The following TARS3 variants were observed in gnomAD, a reference collection of about 807,000 sequenced individuals.
TARS3 encodes the protein threonyl-tRNA synthetase 3, also known as threonine--tRNA ligase 2, cytoplasmic.
A neutral mutation model predicts 103.5 loss-of-function variants in TARS3; 94 were observed. That is an observed-to-expected ratio of 0.91 (90% CI 0.77 to 1.08). TARS3 has a LOEUF of 1.08. TARS3 is among the 50% of genes least tolerant of loss of function. The pLI is 0.00. For missense variants in TARS3, 952 were observed against 995.2 expected, an observed-to-expected ratio of 0.96 and a Z score of 0.58; for synonymous variants, 416 against 355.4, an observed-to-expected ratio of 1.17 and a Z score of -1.92.
intron 7 of TARS3, among the ~76,000 whole-genome samples, chr15:101,704,513 G>A (rs1899446299): frequency 6.6e-6 from 1 of 151,892 alleles, no homozygotes; most frequent in East Asian, 1.9e-4. Context: ...AAATTAGCTG[G>A]GCGTGGTGGT....
In TARS3 at chr15:101,724,181, G is replaced by A; in HGVS notation, c.207C>T (p.Cys69=). The change falls in exon 1 of 19, where the codon TGC becomes TGT. Residue 69 remains cysteine (C), a synonymous_variant. Coordinates refer to ENST00000335968, the MANE Select transcript of TARS3 (RefSeq NM_152334.3). ...AENCDLRHRL[C]SLRLCLAEER... ...CCTCGGCGAGGCACAGCCGCAGGCT[G>A]CACAGGCGGTGGCGCAGGTCGCAGT... 6.6e-7 allele frequency: 1 copy of A among 1,513,932 alleles called. No homozygotes were observed. Among genetic ancestry groups the A allele is most frequent in the Non-Finnish European group, 8.8e-7 (1 of 1,136,688 alleles). 93.8% of individuals were successfully genotyped at this position (1,513,932 alleles called of 1,614,324 possible).
Position 101,705,678 on chromosome 15 carries a change from C to T in TARS3, c.995+5G>A, listed in dbSNP as rs766734500. ...GAGCAGCGTTTACCATGTGTGGACA[C>T]AAACCTGTACACGGTGGTAGTTGCA... On this transcript the variant is annotated splice_donor_5th_base_variant and intron_variant, in intron 7 of 18. Transcript: ENST00000335968. The T allele has an allele frequency of 1.9e-6, 3 of 1,609,558 alleles. No individual in the cohort carries two copies. The highest frequency in any genetic ancestry group is 1.1e-5 in the South Asian group (1 of 90,184).
chr15:101,698,943 T>G (rs1451904414), intron 10 of TARS3, among the ~76,000 whole-genome samples: 1 of 152,164 alleles, frequency 6.6e-6, no homozygotes, highest in Non-Finnish European at 1.5e-5. Flanking sequence ...AAGGGGGTCA[T>G]GACCTAGAAA....
intron 7 of TARS3, among the ~76,000 whole-genome samples, chr15:101,704,519 G>C (rs573711480): frequency 3.9e-5 from 6 of 151,982 alleles, no homozygotes; most frequent in Non-Finnish European, 8.8e-5. Context: ...GCTGGGCGTG[G>C]TGGTGGGCGC....
intron 10 of TARS3, among the ~76,000 whole-genome samples, chr15:101,694,752 T>C (rs923245333): frequency 6.6e-5 from 10 of 152,370 alleles, no homozygotes; most frequent in Admixed American, 5.9e-4. Flanking sequence ...AGCTTGCCTA[T>C]GTCAACACCA....
chr15:101,655,763 G>A, intron 18 of TARS3: 2 of 1,140,100 alleles, frequency 1.8e-6, no homozygotes, highest in Non-Finnish European at 2.2e-6. Context: ...GGGTGCAGAT[G>A]AGAGTGGGGA....
At chr15:101,673,153 G>A (rs1185241317) in intron 13 of TARS3, among the ~76,000 whole-genome samples, 1 of 152,200 alleles carries the variant, frequency 6.6e-6, no homozygotes, top group Non-Finnish European at 1.5e-5. Flanking sequence ...AGTTATTGGA[G>A]AGAAATATCT....
chr15:101,721,891 G>C (rs1300919931), intron 2 of TARS3, among the ~76,000 whole-genome samples: 2 of 152,142 alleles, frequency 1.3e-5, no homozygotes, highest in East Asian at 1.9e-4. Flanking sequence ...ACTCAGTACA[G>C]TATTCAATAA....
chr15:101,674,534 G>A (rs897956646), intron 13 of TARS3, among the ~76,000 whole-genome samples: 1 of 152,120 alleles, frequency 6.6e-6, no homozygotes, highest in Admixed American at 6.5e-5. Context: ...GCTTAGTTAA[G>A]AAAAGAAAGG....
At chr15:101,681,343 C>T (rs1279019929) in intron 12 of TARS3, among the ~76,000 whole-genome samples, 1 of 152,168 alleles carries the variant, frequency 6.6e-6, no homozygotes. Flanking sequence ...TGGGATTGTA[C>T]TGACTTTATA....
chr15:101,684,540 A>C lies in TARS3; in HGVS notation c.1488-303T>G, dbSNP rs543733988. 3.9e-4 allele frequency among the ~76,000 whole-genome samples: 60 copies of C among 152,330 alleles called. No individual in the cohort carries two copies. In the South Asian group the frequency reaches 0.012, roughly 31 times the overall value. On this transcript the variant is annotated intron_variant, in intron 11 of 18. Coordinates refer to ENST00000335968, the MANE Select transcript of TARS3 (RefSeq NM_152334.3). ...CATTTCAAAGGCTACTTCTTAAATG[A>C]AGCCCTCCTAGACATTTCCCAGACA...
intron 3 of TARS3, among the ~76,000 whole-genome samples, chr15:101,719,251 C>T (rs1900321903): frequency 6.6e-6 from 1 of 152,226 alleles, no homozygotes; most frequent in African/African-American, 2.4e-5. Flanking sequence ...TGATTGTCTT[C>T]TGTGTACTGT....
At chr15:101,655,923 A>G in intron 18 of TARS3, 1 of 1,289,280 alleles carries the variant, frequency 7.8e-7, no homozygotes, top group South Asian at 1.2e-5. Flanking sequence ...ACTTTCTGGA[A>G]TGTGGGTAAA....
intron 15 of TARS3, among the ~76,000 whole-genome samples, chr15:101,666,474 CA>C (rs11450994): frequency 0.031 from 1,436 of 45,648 alleles, 17 homozygotes; most frequent in East Asian, 0.17. Context: ...AGACTCATCT[CA>C]AAAAAAAAAA....
intron 3 of TARS3, among the ~76,000 whole-genome samples, chr15:101,719,371 G>A (rs1409576653): frequency 6.6e-6 from 1 of 152,248 alleles, no homozygotes; most frequent in African/African-American, 2.4e-5. Flanking sequence ...CCCAGGCTTT[G>A]AGCTATGGAA....
intron 10 of TARS3, among the ~76,000 whole-genome samples, chr15:101,695,390 T>C (rs1321909660): frequency 6.6e-6 from 1 of 152,242 alleles, no homozygotes; most frequent in African/African-American, 2.4e-5. Context: ...CTTAGTACGA[T>C]GCTTTCGAGG....
chr15:101,677,041 T>C (rs766136381), intron 12 of TARS3, among the ~76,000 whole-genome samples: 1 of 152,212 alleles, frequency 6.6e-6, no homozygotes, highest in Non-Finnish European at 1.5e-5. Flanking sequence ...TTCCCACTTA[T>C]AAGTGAGAAC....
At position 101,703,933 on chromosome 15, in the gene TARS3, C is replaced by T. The variant is rs751686046; in HGVS notation, c.1000G>A (p.Gly334Ser). Residue 334 changes from glycine to serine, a missense_variant, in exon 8 of 19, where the codon GGT becomes AGT. Gly to Ser is a moderately conservative substitution (Grantham distance 56). Coordinates refer to ENST00000335968, the MANE Select transcript of TARS3 (RefSeq NM_152334.3). ...NTATTTVYRC[G>S]PLIDLCKGPH... The stretch of plus-strand genomic sequence containing the variant: ...CCTTTGCAAAGGTCAATTAATGGAC[C>T]GCACCTATAATGAAATATTTAGGAC... 3.1e-5 allele frequency: 50 copies of T among 1,610,186 alleles called. No homozygotes were observed. The highest frequency in any genetic ancestry group is 3.7e-5 in the Non-Finnish European group (44 of 1,177,020).
chr15:101,696,438 ATGTAAG>A (rs1410633731), intron 10 of TARS3, among the ~76,000 whole-genome samples: 1 of 152,128 alleles, frequency 6.6e-6, no homozygotes, highest in Admixed American at 6.5e-5. Flanking sequence ...GAATACAGTC[ATGTAAG>A]GGACCCAATG....
Sources: gnomAD v4.1 joint callset for allele counts (sites outside exome capture counted in the v4.1 genomes callset) on GRCh38, gnomAD v4.1.1 for gene constraint, MANE v1.5 for transcripts, NCBI Gene and HGNC (gene_info 2026-07-23, HGNC 2026-07-21) for gene names.